Variants in TMEM108 observed in about 807,000 individuals in gnomAD.
TMEM108 encodes the protein transmembrane protein 108.
In TMEM108, 12 loss-of-function variants were observed where a neutral mutation model predicts 35.1. That is an observed-to-expected ratio of 0.34 (90% CI 0.22 to 0.55). TMEM108 has a LOEUF of 0.55. Ranked by LOEUF, TMEM108 falls within the 20% of genes least tolerant of loss-of-function variation. TMEM108 has a pLI of 0.89. For missense variants in TMEM108, 680 were observed against 753.3 expected (o/e 0.90, Z 1.14); for synonymous variants, 287 against 308.6 (o/e 0.93, Z 0.73).
chr3:133,140,026 G>A (rs997804523), intron 2 of TMEM108, among the ~76,000 whole-genome samples: 2 of 152,180 alleles, frequency 1.3e-5, no homozygotes, highest in African/African-American at 4.8e-5. Context: ...AGATTCCACT[G>A]TTGTTACTAA....
chr3:133,051,758 G>T (rs2107675421), intron 2 of TMEM108, among the ~76,000 whole-genome samples: 1 of 152,208 alleles, frequency 6.6e-6, no homozygotes, highest in Admixed American at 6.5e-5. Context: ...AGCATCATTT[G>T]TTGCTTTGTT....
At chr3:133,223,084 G>A (rs1901039) in intron 2 of TMEM108, among the ~76,000 whole-genome samples, 116,307 of 152,090 alleles carry the variant, frequency 0.76, 44,709 homozygotes, top group East Asian at 0.94. Context: ...ATAAGTCTCT[G>A]TTTCTTTAGG....
At chr3:133,174,461 T>A (rs571575510) in intron 2 of TMEM108, among the ~76,000 whole-genome samples, 1 of 152,294 alleles carries the variant, frequency 6.6e-6, no homozygotes, top group East Asian at 1.9e-4. Flanking sequence ...CATGGCCGGA[T>A]ACTCCTCTGA....
At chr3:133,190,692 T>C (rs1363522199) in intron 2 of TMEM108, among the ~76,000 whole-genome samples, 1 of 152,216 alleles carries the variant, frequency 6.6e-6, no homozygotes, top group Non-Finnish European at 1.5e-5. Flanking sequence ...GTAAGTCTAA[T>C]CAGCCATATC....
chr3:133,156,378 A>C (rs2107773618), intron 2 of TMEM108, among the ~76,000 whole-genome samples: 1 of 152,348 alleles, frequency 6.6e-6, no homozygotes, highest in African/African-American at 2.4e-5. Context: ...AGAGATGAGT[A>C]GCATCAGATA....
intron 2 of TMEM108, among the ~76,000 whole-genome samples, chr3:133,178,302 G>C (rs1188820572): frequency 1.3e-5 from 2 of 151,732 alleles, no homozygotes; most frequent in African/African-American, 4.8e-5. Context: ...TCACAGAATT[G>C]GAAAAAACTA....
rs181765418 is a variant in TMEM108 at position 133,082,931 on chromosome 3, G to A, written c.-47+36911G>A. Among the ~76,000 whole-genome samples the A allele has an allele frequency of 1.7e-3, 264 of 152,276 alleles. 3 individuals are homozygous for A. Among genetic ancestry groups the A allele is most frequent in the African/African-American group, 6.2e-3 (257 of 41,552 alleles). ...GGCCTCCAAAAGTGCTGGGATTACAGGCGTGAGCCACCATACTTGGCCTGT... is the reference window on the plus strand; with the variant it reads ...GGCCTCCAAAAGTGCTGGGATTACAAGCGTGAGCCACCATACTTGGCCTGT... On this transcript the variant is annotated intron_variant, in intron 2 of 5. Transcript: ENST00000321871.
intron 3 of TMEM108, among the ~76,000 whole-genome samples, chr3:133,299,112 A>G (rs1241983851): frequency 3.9e-5 from 6 of 152,192 alleles, no homozygotes. Context: ...AGGGGAAACT[A>G]TATAAAGCTC....
At chr3:133,084,692 A>G (rs1943858905) in intron 2 of TMEM108, among the ~76,000 whole-genome samples, 1 of 152,206 alleles carries the variant, frequency 6.6e-6, no homozygotes, top group African/African-American at 2.4e-5. Flanking sequence ...TTACGTCATT[A>G]CTATATGCAA....
intron 2 of TMEM108, among the ~76,000 whole-genome samples, chr3:133,150,391 C>T (rs556972138): frequency 3.1e-4 from 21 of 68,016 alleles, no homozygotes; most frequent in African/African-American, 5.3e-4. Flanking sequence ...TTATATATTT[C>T]GGATATTAGC....
intron 2 of TMEM108, among the ~76,000 whole-genome samples, chr3:133,203,292 C>G (rs1425041573): frequency 6.6e-6 from 1 of 152,136 alleles, no homozygotes; most frequent in Non-Finnish European, 1.5e-5. Context: ...TTTTCTTTCT[C>G]TTGCCTGACT....
At chr3:133,220,971 G>T (rs945966486) in intron 2 of TMEM108, among the ~76,000 whole-genome samples, 14 of 152,302 alleles carry the variant, frequency 9.2e-5, no homozygotes, top group African/African-American at 3.4e-4. Flanking sequence ...GGATACAGGT[G>T]AACAGCCAGA....
intron 3 of TMEM108, among the ~76,000 whole-genome samples, chr3:133,376,353 G>A (rs549372637): frequency 1.3e-3 from 191 of 152,332 alleles, no homozygotes; most frequent in Non-Finnish European, 2.3e-3. Flanking sequence ...GTCAGCCAAT[G>A]TTGCTTCCAA....
At chr3:133,057,433 GTGTATATATATATATATATATATATATA>G (rs1236899876) in intron 2 of TMEM108, among the ~76,000 whole-genome samples, 2 of 24,860 alleles carry the variant, frequency 8.0e-5, no homozygotes, top group African/African-American at 1.8e-4. Flanking sequence ...GTGTGTGTGT[GTGTATATATATATATATATATATATATA>G]TATATATATA....
At chr3:133,349,831 G>T (rs186092817) in intron 3 of TMEM108, among the ~76,000 whole-genome samples, 74 of 152,236 alleles carry the variant, frequency 4.9e-4, no homozygotes, top group African/African-American at 1.6e-3. Flanking sequence ...CACACTGTTG[G>T]TAGGATTGTA....
chr3:133,303,040 T>C lies in TMEM108; in HGVS notation c.40+73689T>C, dbSNP rs529632203. 1.1e-4 allele frequency among the ~76,000 whole-genome samples: 16 copies of C among 152,248 alleles called. No individual in the cohort carries two copies. The East Asian group carries it at 1.5e-3, about 15-fold the overall frequency. ...CCATCTACTGGTAAAGCCTGAAGTG[T>C]TCCAGGAAATATGATAAGAACCAAA... On this transcript the variant is annotated intron_variant, in intron 3 of 5. Transcript: ENST00000321871.
At chr3:133,317,257 A>G (rs16840222) in intron 3 of TMEM108, among the ~76,000 whole-genome samples, 48,750 of 151,982 alleles carry the variant, frequency 0.32, 8,553 homozygotes, top group East Asian at 0.48. Flanking sequence ...CTGTATTACT[A>G]TGATGGCCTT....
intron 2 of TMEM108, among the ~76,000 whole-genome samples, chr3:133,100,963 G>A (rs1944079812): frequency 6.6e-6 from 1 of 152,206 alleles, no homozygotes; most frequent in East Asian, 1.9e-4. Context: ...TTTTAGAATT[G>A]AAATTGTATT....
At chr3:133,079,533 C>T (rs1017947737) in intron 2 of TMEM108, among the ~76,000 whole-genome samples, 4 of 152,142 alleles carry the variant, frequency 2.6e-5, no homozygotes, top group Admixed American at 1.3e-4. Context: ...TTTGTCCTCA[C>T]GTGGCAGAAA....
Sources: gnomAD v4.1 joint callset for allele counts (sites outside exome capture counted in the v4.1 genomes callset) on GRCh38, gnomAD v4.1.1 for gene constraint, MANE v1.5 for transcripts, NCBI Gene and HGNC (gene_info 2026-07-23, HGNC 2026-07-21) for gene names.